The following ADA2 variants were observed in gnomAD, a reference collection of about 807,000 sequenced individuals.
ADA2 encodes the protein adenosine deaminase CECR1.
Under a neutral mutation model 44.2 loss-of-function variants are expected in ADA2, and 29 were observed. The ratio of observed to expected loss-of-function variants is 0.66; its 90% confidence interval spans 0.49 to 0.89. The LOEUF (loss-of-function observed/expected upper bound fraction) is 0.89. Among genes scored for constraint, ADA2 ranks in the 40% least tolerant of loss-of-function variants. The probability of loss-of-function intolerance (pLI) is 0.00; values close to 1 mark genes in which losing one functional copy is unlikely to be tolerated. For missense variants in ADA2, 637 were observed against 644.8 expected (o/e 0.99, Z 0.13); for synonymous variants, 215 against 234.9 (o/e 0.92, Z 0.77).
chr22:17,200,372 T>G (rs1444433581), intron 4 of ADA2, among the ~76,000 whole-genome samples: 1 of 152,188 alleles, frequency 6.6e-6, no homozygotes, highest in Non-Finnish European at 1.5e-5. Flanking sequence ...TTGTGTCCTG[T>G]GTCTTGTCTG....
rs530814552 is a variant in ADA2, at chr22:17,183,099, T to G, written c.1082-338A>C. On this transcript the variant is annotated intron_variant, in intron 7 of 9. Coordinates refer to ENST00000399837, the MANE Select transcript of ADA2 (RefSeq NM_001282225.2). ...GTTTTTTGTTGTTGTTGTTGTTGTT[T>G]TTTGAGACACAGTCTTGCTCTGTCG... Among the ~76,000 whole-genome samples the G allele has an allele frequency of 3.0e-4, 46 of 152,282 alleles. No individual in the cohort carries two copies. In the South Asian group the frequency reaches 5.4e-3, roughly 18 times the overall value.
rs3764846 is a variant in ADA2, at chr22:17,182,027, G to A, written c.1240-5C>T. 68 of 1,609,988 alleles carry A rather than the reference G, an allele frequency of 4.2e-5. 1 individual carries two copies. Among genetic ancestry groups the A allele is most frequent in the South Asian group, 3.4e-4 (31 of 90,866 alleles). The stretch of plus-strand genomic sequence containing the variant: ...GTCAGACACCAGTTTCAGCACCTGC[G>A]CAATAGGAGGGAAGGGAGAAAGATG... On this transcript the variant is annotated splice_polypyrimidine_tract_variant and splice_region_variant and intron_variant, in intron 8 of 9. Transcript: ENST00000399837.
chr22:17,204,468 C>T (rs1807518), intron 3 of ADA2, among the ~76,000 whole-genome samples: 72,969 of 151,330 alleles, frequency 0.48, 18,114 homozygotes, highest in Middle Eastern at 0.56. Flanking sequence ...ATACAAAAAT[C>T]AGCCAGGCGT....
intron 4 of ADA2, among the ~76,000 whole-genome samples, chr22:17,195,203 G>A (rs2062174289): frequency 6.6e-6 from 1 of 152,092 alleles, no homozygotes; most frequent in African/African-American, 2.4e-5. Flanking sequence ...TTCAAGGAAG[G>A]CCTGCATCTA....
intron 4 of ADA2, among the ~76,000 whole-genome samples, chr22:17,195,875 G>C (rs1473340158): frequency 4.0e-5 from 6 of 151,428 alleles, no homozygotes; most frequent in Admixed American, 2.0e-4. Flanking sequence ...CGACTCCCGA[G>C]TAGCTGGGAT....
At chr22:17,184,294 C>T (rs1203301485) in intron 7 of ADA2, among the ~76,000 whole-genome samples, 1 of 152,132 alleles carries the variant, frequency 6.6e-6, no homozygotes, top group African/African-American at 2.4e-5. Flanking sequence ...CTAGGGCCCT[C>T]GGTAGAGGAT....
At chr22:17,211,821 A>C (rs1184233256) in intron 1 of ADA2, among the ~76,000 whole-genome samples, 1 of 151,712 alleles carries the variant, frequency 6.6e-6, no homozygotes, top group East Asian at 2.0e-4. Flanking sequence ...CCAGCTACTC[A>C]GGAGCCTGAG....
At position 17,188,416 on chromosome 22, in the gene ADA2, T is replaced by A. The variant is rs2231495; in HGVS notation, c.1004A>T (p.His335Leu). The A allele has an allele frequency of 1.2e-6, 2 of 1,613,582 alleles. No individual in the cohort carries two copies. The highest frequency in any genetic ancestry group is 1.7e-6 in the Non-Finnish European group (2 of 1,179,710). ...GATCATCAGAGCTTCCTTGTAGTCA[T>A]GCAAGGAGTGGCCAGTGTCCTCATG... ...VGHEDTGHSL[H>L]DYKEALMIPA... The change falls in exon 7 of 10, where the codon CAT becomes CTT. Residue 335 changes from histidine (H) to leucine (L), a missense_variant. His to Leu is a moderately conservative substitution (Grantham distance 99). Transcript: ENST00000399837.
At chr22:17,207,356 G>C (rs1307381744) in intron 2 of ADA2, 66 bp from the exon 3 acceptor site, 21 of 1,227,808 alleles carry the variant, frequency 1.7e-5, no homozygotes, top group African/African-American at 4.4e-5. Context: ...CCAGGGCTTG[G>C]GGACAAAGGA....
At chr22:17,208,201 A>G (rs1054382808) in intron 2 of ADA2, among the ~76,000 whole-genome samples, 4 of 150,604 alleles carry the variant, frequency 2.7e-5, no homozygotes, top group African/African-American at 4.9e-5. Context: ...CGAGGCAGGC[A>G]GATCACGAGG....
At chr22:17,191,326 T>C (rs1251325660) in intron 5 of ADA2, among the ~76,000 whole-genome samples, 1 of 152,114 alleles carries the variant, frequency 6.6e-6, no homozygotes, top group African/African-American at 2.4e-5. Flanking sequence ...AGAGGCAAAT[T>C]GAAACCAAAA....
chr22:17,217,668 C>A (rs958750450), intron 1 of ADA2, among the ~76,000 whole-genome samples: 2 of 151,990 alleles, frequency 1.3e-5, no homozygotes, highest in South Asian at 4.2e-4. Flanking sequence ...ATTAGCCAGG[C>A]GTGGTGTATT....
intron 4 of ADA2, chr22:17,199,429 C>CCTCTATCCTCTTCCCCTCCCTCCCCTT: frequency 2.0e-6 from 2 of 1,006,822 alleles, no homozygotes; most frequent in Admixed American, 1.7e-5. Flanking sequence ...TCCCTCCCCT[C>CCTCTATCCTCTTCCCCTCCCTCCCCTT]CTCTATCCTC....
chr22:17,185,760 C>A (rs759244440), intron 7 of ADA2, among the ~76,000 whole-genome samples: 1 of 152,148 alleles, frequency 6.6e-6, no homozygotes, highest in Non-Finnish European at 1.5e-5. Context: ...AGGTCCCTTT[C>A]TCTGAGAGAA....
At chr22:17,199,450 C>CTCCCCT in intron 4 of ADA2, 1 of 462,226 alleles carries the variant, frequency 2.2e-6, no homozygotes, top group Non-Finnish European at 3.3e-6. Context: ...TTCCCCTCCA[C>CTCCCCT]CCACGAAGAT....
Position 17,180,019 on chromosome 22 carries a change from A to C in ADA2, c.*1464T>G. On this transcript the variant is annotated 3_prime_UTR_variant, in exon 10 of 10. Transcript: ENST00000399837. ...GTGGTGCATGCCTGTAATCCCAGCT[A>C]CTCAGGAGGCTGAGGCACGAGAATC... is the stretch of plus-strand genomic sequence containing the variant. 6.6e-6 allele frequency: 1 copy of C among 152,112 alleles called. No individual in the cohort carries two copies. Among genetic ancestry groups the C allele is most frequent in the East Asian group, 1.9e-4 (1 of 5,186 alleles). 9.4% of individuals were successfully genotyped at this position (152,112 alleles called of 1,614,324 possible).
intron 7 of ADA2, among the ~76,000 whole-genome samples, chr22:17,187,537 C>T (rs1206701967): frequency 6.6e-6 from 1 of 151,956 alleles, no homozygotes; most frequent in Admixed American, 6.6e-5. Context: ...GAGATCCACC[C>T]ACATCAGCCT....
In ADA2 at chr22:17,181,372, C is replaced by A; in HGVS notation, c.*111G>T. 1.3e-6 allele frequency: 1 copy of A among 771,844 alleles called. No individual in the cohort carries two copies. The highest frequency in any genetic ancestry group is 2.3e-6 in the Non-Finnish European group (1 of 429,538). The allele number at this position is 771,844 out of a possible 1,614,324, so 47.8% of individuals were successfully genotyped here. The stretch of plus-strand genomic sequence containing the variant: ...GCCAAGTGCTTCTCACAGGGTCGCT[C>A]CATACAGAGGCCATTGATTTCATGG... On this transcript the variant is annotated 3_prime_UTR_variant, in exon 10 of 10. Transcript: ENST00000399837.
Position 17,182,738 on chromosome 22 carries a change from T to C in ADA2, c.1105A>G (p.Arg369Gly), listed in dbSNP as rs750824133. ...AGCATCAGAGCATCCAGAATGTTCCTGTCTATGGAAGTACCCTGCCAGTCT... is the reference window on the plus strand; with the variant it reads ...AGCATCAGAGCATCCAGAATGTTCCCGTCTATGGAAGTACCCTGCCAGTCT... Reference protein sequence around the residue: ...ETDWQGTSIDRNILDALMLNT... With the variant: ...ETDWQGTSIDGNILDALMLNT... Residue 369 changes from arginine to glycine, a missense_variant, in exon 8 of 10, where the codon AGG (arginine) becomes GGG (glycine). Transcript: ENST00000399837. 70 of 1,613,728 alleles carry C rather than the reference T, an allele frequency of 4.3e-5. No individual in the cohort carries two copies. The highest frequency in any genetic ancestry group is 5.5e-5 in the Non-Finnish European group (65 of 1,180,046).
Sources: gnomAD v4.1 joint callset for allele counts (sites outside exome capture counted in the v4.1 genomes callset) on GRCh38, gnomAD v4.1.1 for gene constraint, MANE v1.5 for transcripts, NCBI Gene and HGNC (gene_info 2026-07-23, HGNC 2026-07-21) for gene names.